LETMD1: variants seen among roughly 807,000 people sequenced by gnomAD.
The protein encoded by LETMD1 is LETM1 domain-containing protein 1.
A neutral mutation model predicts 43.9 loss-of-function variants in LETMD1; 30 were observed. The ratio of observed to expected loss-of-function variants is 0.68; its 90% CI spans 0.51 to 0.93. The LOEUF (loss-of-function observed/expected upper bound fraction) is 0.93. Among genes scored for constraint, LETMD1 ranks in the 40% least tolerant of loss-of-function variants. The pLI, the probability that LETMD1 is intolerant of heterozygous loss-of-function variation, is 0.00. For synonymous variants in LETMD1, 176 were observed against 163.1 expected, an observed-to-expected ratio of 1.08 and a Z score of -0.60; for missense variants, 413 against 447.7, an observed-to-expected ratio of 0.92 and a Z score of 0.70.
intron 3 of LETMD1, 111 bp downstream of exon 3, chr12:51,052,318 C>G: frequency 7.6e-7 from 1 of 1,324,210 alleles, no homozygotes; most frequent in South Asian, 1.4e-5. Context: ...AGCTTTTGCC[C>G]TTTGCCGTGA....
the LETMD1 span, chr12:51,068,012 C>T: frequency 2.6e-6 from 4 of 1,568,274 alleles, no homozygotes; most frequent in South Asian, 4.7e-5. Flanking sequence ...ACATGAGCGG[C>T]ATGCACCTCC....
At position 51,051,437 on chromosome 12, in the gene LETMD1, G is replaced by A. The variant is rs182330606; in HGVS notation, c.275-655G>A. ...AAATAAGTGTTCCAGGCCGGGCGCA[G>A]TGACTCATGCCTGTAATCCCAGCAC... is the stretch of plus-strand genomic sequence containing the variant. On this transcript the variant is annotated intron_variant, in intron 2 of 8. Coordinates refer to ENST00000262055, the MANE Select transcript of LETMD1 (RefSeq NM_015416.5). Among the ~76,000 whole-genome samples the A allele has an allele frequency of 1.2e-3, 188 of 151,806 alleles. 2 individuals are homozygous for A. Among genetic ancestry groups the A allele is most frequent in the African/African-American group, 4.5e-3 (187 of 41,332 alleles).
At chr12:51,064,490 C>A (rs143340150), downstream of LETMD1, 1 of 1,610,184 alleles carries the variant, frequency 6.2e-7, no homozygotes, top group Non-Finnish European at 8.5e-7. Context: ...AACTGGCAGT[C>A]GGGGAGGGCT....
intron 2 of LETMD1, among the ~76,000 whole-genome samples, chr12:51,050,379 C>T (rs1945697647): frequency 6.6e-6 from 1 of 151,836 alleles, no homozygotes; most frequent in East Asian, 2.0e-4. Flanking sequence ...CCTGCCACCA[C>T]ACCAGGCTAA....
chr12:51,058,158 A>G (rs754226834), intron 8 of LETMD1, 30 bp downstream of exon 8: 17 of 1,358,494 alleles, frequency 1.3e-5, no homozygotes, highest in Admixed American at 1.7e-5. Flanking sequence ...TTATACCACT[A>G]AAATCCAAGT....
chr12:51,063,483 C>A (rs141806451), downstream of LETMD1: 4,680 of 257,774 alleles, frequency 0.018, 72 homozygotes, highest in Middle Eastern at 0.039. Context: ...GTTCTTTGTT[C>A]CAGTGGCCCA....
intron 2 of LETMD1, among the ~76,000 whole-genome samples, chr12:51,050,231 A>AT (rs1945610287): frequency 1.8e-5 from 2 of 113,716 alleles, no homozygotes; most frequent in Non-Finnish European, 4.1e-5. Flanking sequence ...TTTTATTATG[A>AT]ATTTTTTTTT....
chr12:51,049,308 A>G, intron 2 of LETMD1, 123 bp downstream of exon 2: 1 of 811,056 alleles, frequency 1.2e-6, no homozygotes, highest in Non-Finnish European at 1.9e-6. Flanking sequence ...CTTATATTTC[A>G]TAAATGCCTG....
At chr12:51,057,788 G>C (rs768387396) in intron 7 of LETMD1, 19 of 463,254 alleles carry the variant, frequency 4.1e-5, no homozygotes, top group African/African-American at 1.0e-4. Flanking sequence ...ACCACGCCTG[G>C]CTAATTTTTG....
In LETMD1 at chr12:51,059,540, CAGAG is replaced by C; in HGVS notation, c.*114_*117del. 1 of 964,442 alleles carries C rather than the reference CAGAG, an allele frequency of 1.0e-6. No homozygotes were observed. Among genetic ancestry groups the C allele is most frequent in the South Asian group, 1.3e-5 (1 of 74,738 alleles). The allele number at this position is 964,442 out of a possible 1,614,324, so 59.7% of individuals were successfully genotyped here. A position where few individuals can be genotyped will look rare whatever the true frequency, so the allele number is the denominator to read the frequency against. ...TGTGTACTGTTAAGTGTGTGGGAGG[CAGAG>C]AGAGGAGCAGGGGCCATGGGCTTCA... is the stretch of plus-strand genomic sequence containing the variant. On this transcript the variant is annotated 3_prime_UTR_variant, in exon 9 of 9. Coordinates refer to ENST00000262055, the MANE Select transcript of LETMD1 (RefSeq NM_015416.5).
intron 7 of LETMD1, among the ~76,000 whole-genome samples, chr12:51,057,175 G>A (rs987205110): frequency 6.6e-6 from 1 of 152,104 alleles, no homozygotes; most frequent in African/African-American, 2.4e-5. Context: ...GAGGTGGATT[G>A]CAGTGAGCCA....
rs1394592724 is a variant in LETMD1 at position 51,059,388 on chromosome 12, A to G, written c.1040A>G (p.Asn347Ser). 4 of 1,614,080 alleles carry G rather than the reference A, an allele frequency of 2.5e-6. No individual in the cohort carries two copies. The highest frequency in any genetic ancestry group is 1.7e-5 in the Admixed American group (1 of 60,006). ...GCTGAGCTGTCTCTCTTGCTGCACA[A>G]CGTGGTCCTGCTCTCCACCAACTAC... is the stretch of plus-strand genomic sequence containing the variant. ...KEAELSLLLH[N>S]VVLLSTNYLG... is the part of the protein sequence containing the mutation. The change falls in exon 9 of 9, where the codon AAC (asparagine) becomes AGC (serine). Residue 347 changes from asparagine to serine, a missense_variant. Coordinates refer to ENST00000262055, the MANE Select transcript of LETMD1 (RefSeq NM_015416.5).
At chr12:51,057,915 G>A (rs1008570740) in intron 7 of LETMD1, 117 bp from the exon 8 acceptor site, 19 of 817,504 alleles carry the variant, frequency 2.3e-5, no homozygotes, top group African/African-American at 1.9e-4. Flanking sequence ...ACGAGCCACC[G>A]TGCCCGGTGA....
At chr12:51,067,832 T>G in the LETMD1 span, 2 of 1,614,216 alleles carry the variant, frequency 1.2e-6, no homozygotes, top group Non-Finnish European at 1.7e-6. This position sits in a 1 kb window ranked among gnomAD's most constrained non-coding sequence, Gnocchi z 4.1. Flanking sequence ...GCAGGGCCCG[T>G]CGCCGTTTGG....
intron 2 of LETMD1, among the ~76,000 whole-genome samples, chr12:51,050,291 C>T (rs573503772): frequency 4.0e-5 from 6 of 150,048 alleles, no homozygotes; most frequent in South Asian, 4.2e-4. Flanking sequence ...GGCATGATCT[C>T]GGTTCACTGC....
At chr12:51,052,859 A>G (rs1031144783) in intron 3 of LETMD1, among the ~76,000 whole-genome samples, 1 of 151,928 alleles carries the variant, frequency 6.6e-6, no homozygotes, top group Admixed American at 6.6e-5. Flanking sequence ...TAATCTCAGC[A>G]TTTTGGGAGA....
chr12:51,058,170 A>G (rs1309357308), intron 8 of LETMD1, 42 bp downstream of exon 8: 1 of 1,258,024 alleles, frequency 7.9e-7, no homozygotes, highest in South Asian at 1.2e-5. Flanking sequence ...AATCCAAGTC[A>G]CTTTTGTATT....
downstream of LETMD1, chr12:51,064,312 GGCTCTC>G: frequency 6.2e-7 from 1 of 1,614,096 alleles, no homozygotes. Flanking sequence ...CACACACCCA[GGCTCTC>G]GATGCTCGAG....
At chr12:51,049,940 A>G (rs1040780468) in intron 2 of LETMD1, among the ~76,000 whole-genome samples, 9 of 152,246 alleles carry the variant, frequency 5.9e-5, no homozygotes, top group Non-Finnish European at 1.2e-4. Flanking sequence ...ACAGTATTAT[A>G]AGTTGGTGCA....
Sources: gnomAD v4.1 joint callset for allele counts (sites outside exome capture counted in the v4.1 genomes callset) on GRCh38, gnomAD v4.1.1 for gene constraint, Gnocchi (gnomAD v3.1) non-coding constraint, MANE v1.5 for transcripts, NCBI Gene and HGNC (gene_info 2026-07-23, HGNC 2026-07-21) for gene names.